Variants in CEP135 observed in about 807,000 individuals in gnomAD.
CEP135 encodes the protein centrosomal protein 135.
CEP135 carries 142 observed loss-of-function variants against 157.3 expected under a neutral mutation model. That is an observed-to-expected ratio of 0.90 (90% CI 0.79 to 1.04). The LOEUF (loss-of-function observed/expected upper bound fraction) is 1.04, where lower values mean the gene tolerates loss of function less well. Ranked by LOEUF, CEP135 falls within the 50% of genes least tolerant of loss-of-function variation. The pLI is 0.00. For missense variants in CEP135, 1,317 were observed against 1,309.2 expected, an observed-to-expected ratio of 1.01 and a Z score of -0.09; for synonymous variants, 396 against 439.8, an observed-to-expected ratio of 0.90 and a Z score of 1.25.
intron 25 of CEP135, among the ~76,000 whole-genome samples, chr4:56,027,710 C>G (rs1404688896): frequency 6.6e-6 from 1 of 151,914 alleles, no homozygotes; most frequent in Non-Finnish European, 1.5e-5. Flanking sequence ...TTTTTAGAGC[C>G]AGGGTCTCAC....
chr4:56,006,517 T>TGA (rs1172803962), intron 17 of CEP135, among the ~76,000 whole-genome samples: 2 of 152,214 alleles, frequency 1.3e-5, no homozygotes, highest in African/African-American at 4.8e-5. Context: ...CATGGGAGGC[T>TGA]GAGGCAGGAG....
rs756006092 is a variant in CEP135 at position 55,980,118 on chromosome 4, A to G, written c.1474-25A>G. On this transcript the variant is annotated intron_variant, in intron 11 of 25. Transcript: ENST00000257287. ...GTGACAACCATGTGGTGATGATTAT[A>G]TTTTGTTTTTTAATTATGTTTCAGG... The G allele has an allele frequency of 7.6e-6, 12 of 1,572,728 alleles. No individual in the cohort carries two copies. In the Admixed American group the frequency reaches 2.1e-4, roughly 28 times the overall value.
chr4:55,954,520 G>A (rs1024666573), intron 4 of CEP135, 137 bp downstream of exon 4: 38 of 592,120 alleles, frequency 6.4e-5, no homozygotes, highest in East Asian at 1.3e-4. Context: ...TGAATAGACC[G>A]TAAACTTCTT....
chr4:56,020,900 A>C (rs558714329), intron 24 of CEP135, 120 bp downstream of exon 24: 1 of 662,202 alleles, frequency 1.5e-6, no homozygotes, highest in African/African-American at 1.8e-5. Flanking sequence ...CATAAAGTAC[A>C]TTTCTTTGGT....
chr4:56,020,631 A>G (rs765207209), intron 23 of CEP135, 45 bp from the exon 24 acceptor site: 2 of 1,546,924 alleles, frequency 1.3e-6, no homozygotes, highest in Non-Finnish European at 1.8e-6. Flanking sequence ...ACCTGACTCT[A>G]CAAAACGGAA....
chr4:55,949,207 G>C (rs539212718), intron 1 of CEP135, 148 bp downstream of exon 1: 4 of 152,504 alleles, frequency 2.6e-5, no homozygotes, highest in Non-Finnish European at 1.5e-5. Context: ...CAGACCGGGC[G>C]GGGAGGGGCG....
chr4:55,982,914 G>T (rs905219045), intron 13 of CEP135, among the ~76,000 whole-genome samples: 10 of 151,974 alleles, frequency 6.6e-5, no homozygotes, highest in Admixed American at 6.6e-4. Context: ...TTAGCACATT[G>T]TAAGTACTAA....
Position 55,965,674 on chromosome 4 carries a change from C to G in CEP135, c.859C>G (p.Leu287Val). The G allele has an allele frequency of 1.9e-6, 3 of 1,611,282 alleles. No homozygotes were observed. Among genetic ancestry groups the G allele is most frequent in the Non-Finnish European group, 2.5e-6 (3 of 1,179,290 alleles). Reference sequence around the variant, plus strand: ...CTTTCTTCAGCAAGCTAATAAAGACCTGGAGAAGCGTATACGAGAGCTTAT... The same window carrying G: ...CTTTCTTCAGCAAGCTAATAAAGACGTGGAGAAGCGTATACGAGAGCTTAT... ...VDFLQQANKD[L>V]EKRIRELMET... is the part of the protein sequence containing the mutation. The change falls in exon 8 of 26, where the codon CTG becomes GTG. Residue 287 changes from leucine to valine, a missense_variant. Coordinates refer to ENST00000257287, the MANE Select transcript of CEP135 (RefSeq NM_025009.5).
chr4:56,020,925 A>C lies in CEP135; in HGVS notation c.3320+145A>C, dbSNP rs571271787. 22 of 572,522 alleles carry C rather than the reference A, an allele frequency of 3.8e-5. No homozygotes were observed. In the South Asian group the frequency reaches 6.5e-4, roughly 17 times the overall value. The allele number at this position is 572,522 out of a possible 1,614,324, so 35.5% of individuals were successfully genotyped here. ...ATTTCTTTGGTAATTCTTCCTTTTA[A>C]AAAAGGCAACAAGTGTTGGGGAAGA... On this transcript the variant is annotated intron_variant, in intron 24 of 25. Transcript: ENST00000257287.
intron 15 of CEP135, among the ~76,000 whole-genome samples, chr4:55,996,808 C>T (rs764021735): frequency 9.2e-5 from 14 of 151,498 alleles, no homozygotes; most frequent in Admixed American, 6.6e-5. Flanking sequence ...TTGAACACTT[C>T]GTATGAACAG....
chr4:55,958,171 C>T (rs376403295), intron 5 of CEP135, among the ~76,000 whole-genome samples: 8 of 152,282 alleles, frequency 5.3e-5, no homozygotes, highest in East Asian at 3.9e-4. Flanking sequence ...CAGTGGATCA[C>T]GCCTGTTAAT....
chr4:56,011,945 T>TC lies in CEP135; in HGVS notation c.2762_2763insC (p.Arg922SerfsTer22). 6.3e-7 allele frequency: 1 copy of TC among 1,579,906 alleles called. No homozygotes were observed. On this transcript the variant is annotated frameshift_variant, in exon 21 of 26. Transcript: ENST00000257287. LOFTEE classifies it high-confidence loss of function. ...TCTATTGACACTGAGAGGAGACATC[T>TC]TCGAGAAAGAGTGGAGCTATTAGAA...
chr4:55,953,366 AT>A, intron 3 of CEP135, 91 bp downstream of exon 3: 1 of 969,954 alleles, frequency 1.0e-6, no homozygotes, highest in Non-Finnish European at 1.5e-6. Flanking sequence ...AAAACTATTG[AT>A]TAGAAAATAT....
intron 17 of CEP135, among the ~76,000 whole-genome samples, chr4:56,004,307 A>C (rs766565721): frequency 3.3e-4 from 50 of 152,292 alleles, no homozygotes; most frequent in Non-Finnish European, 6.2e-4. Flanking sequence ...GAATGTGTTG[A>C]AACTTGTTTT....
At chr4:55,973,168 CCAAA>C (rs898986099) in intron 10 of CEP135, among the ~76,000 whole-genome samples, 2 of 152,138 alleles carry the variant, frequency 1.3e-5, no homozygotes, top group African/African-American at 4.8e-5. Flanking sequence ...CATGGATGAG[CCAAA>C]CAGTTTACCT....
chr4:55,983,839 AG>A (rs1407311706), intron 13 of CEP135, among the ~76,000 whole-genome samples: 1 of 152,140 alleles, frequency 6.6e-6, no homozygotes, highest in Non-Finnish European at 1.5e-5. Flanking sequence ...CTTTTTTAAT[AG>A]GTACTGCTTA....
rs1731404313 is a variant in CEP135, at chr4:56,032,807, TATG to T, written c.*1462_*1464del. 6.6e-6 allele frequency: 1 copy of T among 152,044 alleles called. No homozygotes were observed. The highest frequency in any genetic ancestry group is 2.4e-5 in the African/African-American group (1 of 41,390). 9.4% of individuals were successfully genotyped at this position (152,044 alleles called of 1,614,324 possible). The stretch of plus-strand genomic sequence containing the variant: ...ATAGGAAAGTGAATGATCAGTTACT[TATG>T]ATATATTTTGTTTCCTCTTGTGGTT... On this transcript the variant is annotated 3_prime_UTR_variant, in exon 26 of 26. Coordinates refer to ENST00000257287, the MANE Select transcript of CEP135 (RefSeq NM_025009.5).
At position 56,019,792 on chromosome 4, in the gene CEP135, A is replaced by G. The variant is rs1459748262; in HGVS notation, c.3215+237A>G. ...CTATACTAAAAATACAAAAAAAAAA[A>G]GCCAGGCGTGGTGGCACACACCTAT... On this transcript the variant is annotated intron_variant, in intron 23 of 25. Transcript: ENST00000257287. Among the ~76,000 whole-genome samples the G allele has an allele frequency of 3.9e-5, 6 of 151,936 alleles. No homozygotes were observed. The East Asian group carries it at 1.2e-3, about 29-fold the overall frequency.
At chr4:55,983,911 A>C (rs531683756) in intron 13 of CEP135, among the ~76,000 whole-genome samples, 1 of 152,270 alleles carries the variant, frequency 6.6e-6, no homozygotes, top group Admixed American at 6.5e-5. Context: ...TCCAGCTATG[A>C]GTTACAAGGA....
Sources: allele counts gnomAD v4.1 joint callset (sites outside exome capture counted in the v4.1 genomes callset), GRCh38; gene constraint gnomAD v4.1.1; transcripts MANE v1.5; gene names NCBI Gene and HGNC (gene_info 2026-07-23, HGNC 2026-07-21).